The following MAP2K5 variants were observed in gnomAD, a reference collection of about 807,000 sequenced individuals.
MAP2K5 encodes dual specificity mitogen-activated protein kinase kinase 5.
A neutral mutation model predicts 83.1 loss-of-function variants in MAP2K5; 49 were observed. The observed-to-expected ratio is 0.59, with a 90% CI of 0.47 to 0.75. The LOEUF (loss-of-function observed/expected upper bound fraction) is 0.75. Among genes scored for constraint, MAP2K5 ranks in the 30% least tolerant of loss-of-function variants. The probability of loss-of-function intolerance (pLI) is 0.00; values close to 1 mark genes in which losing one functional copy is unlikely to be tolerated. For synonymous variants in MAP2K5, 202 were observed against 191.8 expected (o/e 1.05, Z -0.44); for missense variants, 457 against 557.5 (o/e 0.82, Z 1.82).
intron 17 of MAP2K5, among the ~76,000 whole-genome samples, chr15:67,728,953 G>A (rs111963369): frequency 0.018 from 2,686 of 152,246 alleles, 91 homozygotes; most frequent in African/African-American, 0.062. Context: ...TGTCTCTTTC[G>A]TATTCTTTTG....
intron 21 of MAP2K5, among the ~76,000 whole-genome samples, chr15:67,776,432 G>T (rs140592767): frequency 2.9e-4 from 44 of 152,164 alleles, no homozygotes; most frequent in African/African-American, 9.9e-4. Flanking sequence ...AAAAATGCAG[G>T]GATTCCATGG....
chr15:67,765,103 G>A (rs1417944508), intron 19 of MAP2K5, among the ~76,000 whole-genome samples: 1 of 152,218 alleles, frequency 6.6e-6, no homozygotes, highest in Non-Finnish European at 1.5e-5. Context: ...GCTCATGCCT[G>A]TAATCCCAGC....
At chr15:67,593,580 A>G (rs2085460793) in intron 7 of MAP2K5, among the ~76,000 whole-genome samples, 1 of 152,210 alleles carries the variant, frequency 6.6e-6, no homozygotes, top group Admixed American at 6.5e-5. Flanking sequence ...TTTTAAACAT[A>G]CACTGGTAAA....
intron 21 of MAP2K5, among the ~76,000 whole-genome samples, chr15:67,800,503 G>A (rs2090685060): frequency 6.6e-6 from 1 of 152,186 alleles, no homozygotes; most frequent in Non-Finnish European, 1.5e-5. Context: ...CACCTAAGTT[G>A]CCTTCCCAAC....
intron 4 of MAP2K5, among the ~76,000 whole-genome samples, chr15:67,581,782 G>A (rs2085183397): frequency 6.6e-6 from 1 of 152,180 alleles, no homozygotes; most frequent in Admixed American, 6.5e-5. Context: ...TCCAAAGGCA[G>A]CTGTCTTGGC....
chr15:67,623,601 T>TA (rs2086237776), intron 8 of MAP2K5, among the ~76,000 whole-genome samples: 1 of 150,924 alleles, frequency 6.6e-6, no homozygotes, highest in Non-Finnish European at 1.5e-5. Context: ...TATCTTCCTT[T>TA]TTTTTTTTTT....
rs2089857430 is a variant in MAP2K5 at position 67,757,237 on chromosome 15, T to C, written c.1134+8636T>C. On this transcript the variant is annotated intron_variant, in intron 19 of 21. Transcript: ENST00000178640. The surrounding 1 kb of genome is among the most constrained non-coding windows in gnomAD (Gnocchi z 4.9). ...CCTTTTGACTTTTTTGTAATAGCCA[T>C]CCTAACAAAATGTGAGGTGACATTT... Among the ~76,000 whole-genome samples the C allele has an allele frequency of 1.3e-5, 2 of 152,184 alleles. No homozygotes were observed. Among genetic ancestry groups the C allele is most frequent in the Non-Finnish European group, 2.9e-5 (2 of 68,028 alleles).
chr15:67,564,883 CT>C (rs2084807351), intron 3 of MAP2K5, among the ~76,000 whole-genome samples: 1 of 152,168 alleles, frequency 6.6e-6, no homozygotes, highest in South Asian at 2.1e-4. Context: ...AAGATATGTA[CT>C]TTTGGGTATG....
chr15:67,765,482 CG>C (rs1238310528), intron 19 of MAP2K5, among the ~76,000 whole-genome samples: 2 of 151,996 alleles, frequency 1.3e-5, no homozygotes, highest in African/African-American at 4.8e-5. Context: ...TGTATGGGGG[CG>C]GGGAGTTGCA....
At chr15:67,788,610 A>G (rs188995510) in intron 21 of MAP2K5, among the ~76,000 whole-genome samples, 8 of 152,324 alleles carry the variant, frequency 5.3e-5, no homozygotes, top group Non-Finnish European at 1.0e-4. Context: ...TAGTTGGAAA[A>G]TAATAGGTTC....
chr15:67,731,161 T>A (rs1305587475), intron 17 of MAP2K5, among the ~76,000 whole-genome samples: 1 of 152,120 alleles, frequency 6.6e-6, no homozygotes, highest in Admixed American at 6.5e-5. Flanking sequence ...GAGCAGAGTA[T>A]AAAATGAGCA....
Position 67,563,529 on chromosome 15 carries a change from A to G in MAP2K5, c.252+179A>G, listed in dbSNP as rs1446102273. On this transcript the variant is annotated intron_variant, in intron 3 of 21. Transcript: ENST00000178640. The surrounding 1 kb of genome is among the most constrained non-coding windows in gnomAD (Gnocchi z 4.5). The stretch of plus-strand genomic sequence containing the variant: ...GTTAAGGGCATTATTTTCAAAAGAC[A>G]CTTACTGATCATATCATAAACATTA... Among the ~76,000 whole-genome samples, 1 of 152,212 alleles carries G rather than the reference A, an allele frequency of 6.6e-6. No individual in the cohort carries two copies. Among genetic ancestry groups the G allele is most frequent in the Non-Finnish European group, 1.5e-5 (1 of 68,032 alleles).
At position 67,806,735 on chromosome 15, in the gene MAP2K5, G is replaced by T. The variant is rs947851338; in HGVS notation, c.1332G>T (p.Gln444His). Residue 444 changes from glutamine to histidine, a missense_variant, in exon 22 of 22, where the codon CAG (glutamine) becomes CAT (histidine). Physicochemically the swap from Gln to His is conservative, Grantham distance 24 (BLOSUM62 0). Coordinates refer to ENST00000178640, the MANE Select transcript of MAP2K5 (RefSeq NM_145160.3). ...VCRALEERRS[Q>H]QGPP ...GGGCGCTGGAGGAGAGGCGGAGCCA[G>T]CAGGGGCCCCCGTGAGGCTGCCGCA... 6 of 1,553,832 alleles carry T rather than the reference G, an allele frequency of 3.9e-6. No homozygotes were observed. In the African/African-American group the frequency reaches 8.2e-5, roughly 21 times the overall value.
Position 67,777,381 on chromosome 15 carries a change from T to C in MAP2K5, c.1242+4629T>C, listed in dbSNP as rs986692712. Among the ~76,000 whole-genome samples, 5 of 152,188 alleles carry C rather than the reference T, an allele frequency of 3.3e-5. No homozygotes were observed. The highest frequency in any genetic ancestry group is 6.5e-5 in the Admixed American group (1 of 15,272). ...CTTTCAGTGTCTAAGCTCTATTTAA[T>C]GGAATCTATGCATAGTAAGTAATCA... On this transcript the variant is annotated intron_variant, in intron 21 of 21. Coordinates refer to ENST00000178640, the MANE Select transcript of MAP2K5 (RefSeq NM_145160.3). The surrounding 1 kb of genome is among the most constrained non-coding windows in gnomAD (Gnocchi z 6.0).
chr15:67,651,789 T>G (rs2086962827), intron 11 of MAP2K5, among the ~76,000 whole-genome samples: 1 of 152,256 alleles, frequency 6.6e-6, no homozygotes, highest in South Asian at 2.1e-4. Context: ...ATTTCATATC[T>G]TGGCTATTGT....
At chr15:67,554,919 G>T (rs1041550751) in intron 2 of MAP2K5, among the ~76,000 whole-genome samples, 1 of 152,182 alleles carries the variant, frequency 6.6e-6, no homozygotes, top group Non-Finnish European at 1.5e-5. Flanking sequence ...GGATATAATT[G>T]GTTGGTGGTG....
Position 67,640,350 on chromosome 15 carries a change from A to C in MAP2K5, c.586-5881A>C, listed in dbSNP as rs901759518. 1.3e-5 allele frequency among the ~76,000 whole-genome samples: 2 copies of C among 152,222 alleles called. No individual in the cohort carries two copies. Among genetic ancestry groups the C allele is most frequent in the African/African-American group, 4.8e-5 (2 of 41,460 alleles). ...TTTATATGGACCATTGCTCTCACCC[A>C]GAATATTTCTTAGCTTTTTTTATAT... On this transcript the variant is annotated intron_variant, in intron 9 of 21. Transcript: ENST00000178640. The surrounding 1 kb of genome is among the most constrained non-coding windows in gnomAD (Gnocchi z 4.6).
chr15:67,681,364 C>T (rs185190142), intron 13 of MAP2K5, among the ~76,000 whole-genome samples: 3 of 152,302 alleles, frequency 2.0e-5, no homozygotes, highest in East Asian at 3.9e-4. Flanking sequence ...CACACCCACA[C>T]GTACATGTAT....
Position 67,677,787 on chromosome 15 carries a change from AG to A in MAP2K5, c.847+13145del, listed in dbSNP as rs2087715868. On this transcript the variant is annotated intron_variant, in intron 13 of 21. Transcript: ENST00000178640. The surrounding 1 kb of genome is among the most constrained non-coding windows in gnomAD (Gnocchi z 4.2). ...TTACTTACTATGAAAGGATTAAGAG[AG>A]GGAGAATTGAGAAGCTCAGGCCTTT... Among the ~76,000 whole-genome samples, 1 of 152,350 alleles carries A rather than the reference AG, an allele frequency of 6.6e-6. No individual in the cohort carries two copies. Among genetic ancestry groups the A allele is most frequent in the South Asian group, 2.1e-4 (1 of 4,828 alleles).
Sources: allele counts gnomAD v4.1 joint callset (sites outside exome capture counted in the v4.1 genomes callset), GRCh38; gene constraint gnomAD v4.1.1; non-coding constraint Gnocchi (gnomAD v3.1); transcripts MANE v1.5; gene names NCBI Gene and HGNC (gene_info 2026-07-23, HGNC 2026-07-21).